SLC5A4: variants seen among roughly 807,000 people sequenced by gnomAD.
The protein encoded by SLC5A4 is probable glucose sensor protein SLC5A4.
Under a neutral mutation model 70.3 loss-of-function variants are expected in SLC5A4, and 55 were observed. That is an observed-to-expected ratio of 0.78 (90% CI 0.63 to 0.98). The LOEUF (loss-of-function observed/expected upper bound fraction) is 0.98. Ranked by LOEUF, SLC5A4 falls within the 50% of genes least tolerant of loss-of-function variation. The pLI, the probability that SLC5A4 is intolerant of heterozygous loss-of-function variation, is 0.00. For missense variants in SLC5A4, 735 were observed against 839.2 expected (o/e 0.88, Z 1.53); for synonymous variants, 268 against 305.7 (o/e 0.88, Z 1.29).
intron 6 of SLC5A4, among the ~76,000 whole-genome samples, chr22:32,238,777 C>T (rs1270718576): frequency 6.6e-6 from 1 of 152,212 alleles, no homozygotes; most frequent in Non-Finnish European, 1.5e-5. Flanking sequence ...ACATAATTCC[C>T]TTCCATCAAG....
the SLC5A4 span, among the ~76,000 whole-genome samples, chr22:32,328,120 AAAAC>A: frequency 6.8e-6 from 1 of 147,880 alleles, no homozygotes; most frequent in East Asian, 1.9e-4. Flanking sequence ...CAGAGCCCCC[AAAAC>A]ACACACACCA....
the SLC5A4 span, among the ~76,000 whole-genome samples, chr22:32,341,190 GA>G: frequency 2.0e-5 from 3 of 152,100 alleles, no homozygotes; most frequent in African/African-American, 7.2e-5. Context: ...GACCAGGGGA[GA>G]AAGACTGGGA....
the SLC5A4 span, among the ~76,000 whole-genome samples, chr22:32,284,520 T>G: frequency 4.6e-5 from 7 of 152,270 alleles, no homozygotes; most frequent in East Asian, 1.2e-3. Context: ...CAGCTGGGCC[T>G]ATCAGGAGGG....
At chr22:32,221,813 C>T (rs543678850) in intron 13 of SLC5A4, among the ~76,000 whole-genome samples, 16 of 152,166 alleles carry the variant, frequency 1.1e-4, no homozygotes, top group African/African-American at 2.2e-4. Flanking sequence ...TGCAATGGTG[C>T]GATCTTGGCT....
At chr22:32,348,451 G>C in the SLC5A4 span, among the ~76,000 whole-genome samples, 318 of 152,312 alleles carry the variant, frequency 2.1e-3, 2 homozygotes, top group African/African-American at 7.2e-3. Context: ...CCAGGGGAGT[G>C]CCTCCCAGTG....
At chr22:32,243,557 G>C (rs1024947489) in intron 5 of SLC5A4, among the ~76,000 whole-genome samples, 1 of 152,144 alleles carries the variant, frequency 6.6e-6, no homozygotes, top group Non-Finnish European at 1.5e-5. Context: ...TACAGGGAAG[G>C]CTCAGTTTAA....
At chr22:32,226,195 T>G (rs1925386981) in intron 11 of SLC5A4, among the ~76,000 whole-genome samples, 1 of 152,250 alleles carries the variant, frequency 6.6e-6, no homozygotes, top group South Asian at 2.1e-4. Flanking sequence ...AGACTTCCAT[T>G]TTTTGTTCTT....
chr22:32,313,552 A>AC, the SLC5A4 span, among the ~76,000 whole-genome samples: 22 of 152,350 alleles, frequency 1.4e-4, 1 homozygote, highest in South Asian at 3.1e-3. Context: ...GAGCAGTGGA[A>AC]CAAGATCTAC....
the SLC5A4 span, chr22:32,277,175 CT>C: frequency 1.1e-4 from 16 of 152,104 alleles, no homozygotes; most frequent in Non-Finnish European, 2.1e-4. Context: ...CTACACATCC[CT>C]TTAAATCTGT....
the SLC5A4 span, among the ~76,000 whole-genome samples, chr22:32,306,022 T>TC: frequency 6.6e-6 from 1 of 152,070 alleles, no homozygotes; most frequent in African/African-American, 2.4e-5. Flanking sequence ...GGGACCCCAG[T>TC]CCCTGGTCCT....
At chr22:32,339,768 T>C in the SLC5A4 span, among the ~76,000 whole-genome samples, 1 of 152,150 alleles carries the variant, frequency 6.6e-6, no homozygotes, top group Non-Finnish European at 1.5e-5. Flanking sequence ...TCACCTCGTT[T>C]AAACCCCTGC....
chr22:32,246,379 GC>G (rs1304512414), intron 5 of SLC5A4, among the ~76,000 whole-genome samples: 3 of 152,312 alleles, frequency 2.0e-5, no homozygotes, highest in African/African-American at 2.4e-5. Flanking sequence ...TGAGACACCT[GC>G]CTAGACTGTA....
chr22:32,298,967 A>ATGT, the SLC5A4 span, among the ~76,000 whole-genome samples: 5 of 124,048 alleles, frequency 4.0e-5, no homozygotes, highest in Non-Finnish European at 8.5e-5. Context: ...TTCTTTAAGA[A>ATGT]TGTTGAATAT....
chr22:32,227,362 C>T (rs1314817387), intron 11 of SLC5A4, among the ~76,000 whole-genome samples: 2 of 152,236 alleles, frequency 1.3e-5, no homozygotes, highest in East Asian at 3.9e-4. Flanking sequence ...TCCTGCCCTA[C>T]TGTACTCCCT....
the SLC5A4 span, among the ~76,000 whole-genome samples, chr22:32,275,955 C>A: frequency 6.6e-6 from 1 of 152,176 alleles, no homozygotes; most frequent in Non-Finnish European, 1.5e-5. Context: ...ATTTGCATTT[C>A]TCTGATGGCC....
the SLC5A4 span, among the ~76,000 whole-genome samples, chr22:32,306,965 T>C: frequency 2.0e-5 from 3 of 152,298 alleles, no homozygotes; most frequent in East Asian, 5.8e-4. Context: ...GGCCATGTCA[T>C]CCATAGTTTT....
the SLC5A4 span, among the ~76,000 whole-genome samples, chr22:32,344,650 T>C: frequency 6.6e-6 from 1 of 152,182 alleles, no homozygotes; most frequent in Non-Finnish European, 1.5e-5. Flanking sequence ...AAAAATTAAT[T>C]TCATCATACA....
intron 8 of SLC5A4, among the ~76,000 whole-genome samples, chr22:32,233,521 CA>C (rs577259172): frequency 2.8e-4 from 43 of 152,114 alleles, no homozygotes; most frequent in African/African-American, 9.9e-4. Context: ...CGGAGTAGGG[CA>C]AAAATGAATT....
chr22:32,223,654 C>A (rs1001145714), intron 13 of SLC5A4, among the ~76,000 whole-genome samples: 2 of 152,132 alleles, frequency 1.3e-5, no homozygotes, highest in African/African-American at 4.8e-5. Flanking sequence ...GAAGTCTTTC[C>A]CAGTGTCTTT....
Sources: gnomAD v4.1 joint callset for allele counts (sites outside exome capture counted in the v4.1 genomes callset) on GRCh38, gnomAD v4.1.1 for gene constraint, MANE v1.5 for transcripts, NCBI Gene and HGNC (gene_info 2026-07-23, HGNC 2026-07-21) for gene names.